MEI4: variants seen among roughly 807,000 people sequenced by gnomAD.
The protein encoded by MEI4 is meiosis-specific protein MEI4.
Under a neutral mutation model 31.4 loss-of-function variants are expected in MEI4, and 27 were observed. That is an observed-to-expected ratio of 0.86 (90% CI 0.63 to 1.19). The LOEUF (loss-of-function observed/expected upper bound fraction) is 1.19. Ranked by LOEUF, MEI4 falls within the 50% of genes most tolerant of loss-of-function variation. MEI4 has a pLI of 0.00. For synonymous variants in MEI4, 122 were observed against 145.4 expected (o/e 0.84, Z 1.16); for missense variants, 329 against 398.9 (o/e 0.82, Z 1.49).
At chr6:77,732,112 C>T (rs1257216771) in intron 2 of MEI4, among the ~76,000 whole-genome samples, 1 of 151,258 alleles carries the variant, frequency 6.6e-6, no homozygotes, top group African/African-American at 2.5e-5. Flanking sequence ...GCGATGCGGG[C>T]TCTTTTTTGG....
chr6:77,653,316 C>T (rs1170456583), intron 1 of MEI4, among the ~76,000 whole-genome samples: 1 of 152,170 alleles, frequency 6.6e-6, no homozygotes, highest in Non-Finnish European at 1.5e-5. Flanking sequence ...AATTGATGTT[C>T]AGCCACAGCC....
At chr6:77,658,198 G>A (rs561854617) in intron 1 of MEI4, among the ~76,000 whole-genome samples, 10 of 152,268 alleles carry the variant, frequency 6.6e-5, no homozygotes, top group African/African-American at 2.4e-4. Context: ...ATGTTTTGCG[G>A]GCAGGGGGTG....
chr6:77,731,719 A>C (rs1467535026), intron 2 of MEI4, among the ~76,000 whole-genome samples: 1 of 151,344 alleles, frequency 6.6e-6, no homozygotes, highest in Non-Finnish European at 1.5e-5. Context: ...TATGTCCTGA[A>C]TAGTAATGCT....
Position 77,916,893 on chromosome 6 carries a change from AT to A in MEI4, c.901-6195del, listed in dbSNP as rs1202640326. Among the ~76,000 whole-genome samples, 67 of 151,232 alleles carry A rather than the reference AT, an allele frequency of 4.4e-4. 1 individual carries two copies. Among genetic ancestry groups the A allele is most frequent in the Admixed American group, 2.0e-3 (30 of 15,138 alleles). On this transcript the variant is annotated intron_variant, in intron 4 of 4. Coordinates refer to ENST00000684080, the MANE Select transcript of MEI4 (RefSeq NM_001322247.2). ...ACTAACTCGTCATCTAGCATTAGGT[AT>A]ATCTCCCAATGCTATCCCTCCCCCC...
At chr6:77,713,425 T>C (rs1766510919) in intron 2 of MEI4, among the ~76,000 whole-genome samples, 1 of 37,256 alleles carries the variant, frequency 2.7e-5, no homozygotes, top group African/African-American at 5.1e-5. Flanking sequence ...TTCTGTCTTA[T>C]ATAAACAACT....
At chr6:77,686,875 CT>C (rs70974681) in intron 1 of MEI4, among the ~76,000 whole-genome samples, 3 of 132,540 alleles carry the variant, frequency 2.3e-5, no homozygotes, top group African/African-American at 5.1e-5. Context: ...GTCTGTGGCT[CT>C]TTTTTTTTGT....
intron 2 of MEI4, among the ~76,000 whole-genome samples, chr6:77,752,264 G>T (rs909481880): frequency 1.3e-5 from 2 of 152,128 alleles, no homozygotes; most frequent in African/African-American, 2.4e-5. Flanking sequence ...GGAAGTTCTG[G>T]CCAGGGCAAT....
In MEI4 at chr6:77,705,044, T is replaced by C. The variant is rs114242601; in HGVS notation, c.232+14141T>C. On this transcript the variant is annotated intron_variant, in intron 2 of 4. Transcript: ENST00000684080. The stretch of plus-strand genomic sequence containing the variant: ...ACAGCAACAACAACAATAAAAATAA[T>C]AGTGCTCCAATGACCCTAGCAACTA... Among the ~76,000 whole-genome samples, 898 of 152,168 alleles carry C rather than the reference T, an allele frequency of 5.9e-3. 12 individuals are homozygous for C. Among genetic ancestry groups the C allele is most frequent in the African/African-American group, 0.021 (863 of 41,536 alleles).
intron 4 of MEI4, among the ~76,000 whole-genome samples, chr6:77,901,753 T>C (rs1031635568): frequency 6.6e-6 from 1 of 152,134 alleles, no homozygotes; most frequent in African/African-American, 2.4e-5. Flanking sequence ...TTTTCTGGCC[T>C]GTACTTTGGG....
chr6:77,732,736 C>T (rs991969481), intron 2 of MEI4, among the ~76,000 whole-genome samples: 25 of 151,988 alleles, frequency 1.6e-4, no homozygotes, highest in Admixed American at 2.6e-4. Context: ...CCAGTTTTTG[C>T]CCATTCAGTA....
chr6:77,800,754 T>G (rs2127700230), intron 3 of MEI4, among the ~76,000 whole-genome samples: 1 of 152,336 alleles, frequency 6.6e-6, no homozygotes, highest in African/African-American at 2.4e-5. Context: ...GATAATCATG[T>G]GGTTTTTTTC....
intron 2 of MEI4, among the ~76,000 whole-genome samples, chr6:77,734,690 G>C (rs1310982200): frequency 6.6e-6 from 1 of 150,650 alleles, no homozygotes; most frequent in Admixed American, 6.6e-5. Flanking sequence ...ATGTTAGCTG[G>C]TTATTTTGCT....
rs1491363820 is a variant in MEI4, at chr6:77,910,924, GGT to G, written c.901-12164_901-12163del. 1.5e-4 allele frequency among the ~76,000 whole-genome samples: 9 copies of G among 61,910 alleles called. No homozygotes were observed. In the East Asian group the frequency reaches 4.1e-3, roughly 28 times the overall value. 40.6% of individuals were successfully genotyped at this position (61,910 alleles called of 152,430 possible). On this transcript the variant is annotated intron_variant, in intron 4 of 4. Transcript: ENST00000684080. The stretch of plus-strand genomic sequence containing the variant: ...TTTATCCACATTCTCACCAGCTTCT[GGT>G]TTTTTTTTTTTTTTTTGTCTTCTTA...
intron 3 of MEI4, among the ~76,000 whole-genome samples, chr6:77,765,931 C>G (rs147997805): frequency 1.2e-4 from 18 of 152,164 alleles, no homozygotes; most frequent in African/African-American, 4.3e-4. Flanking sequence ...ATCGCAAGGA[C>G]AAAAAACCAA....
rs142728449 is a variant in MEI4 at position 77,839,663 on chromosome 6, A to C, written c.900+10601A>C. The stretch of plus-strand genomic sequence containing the variant: ...AACTGACAGTGAAACTACCACTAAC[A>C]GAAGGTAGGGCAGAATTTGTACGCT... On this transcript the variant is annotated intron_variant, in intron 4 of 4. Coordinates refer to ENST00000684080, the MANE Select transcript of MEI4 (RefSeq NM_001322247.2). Among the ~76,000 whole-genome samples, 27 of 152,316 alleles carry C rather than the reference A, an allele frequency of 1.8e-4. No individual in the cohort carries two copies. In the East Asian group the frequency reaches 5.0e-3, roughly 28 times the overall value.
chr6:77,831,875 A>C (rs1250457463), intron 4 of MEI4, among the ~76,000 whole-genome samples: 1 of 152,048 alleles, frequency 6.6e-6, no homozygotes, highest in Non-Finnish European at 1.5e-5. Flanking sequence ...AAATTGTAGA[A>C]ATTATAACAT....
Position 77,744,545 on chromosome 6 carries a change from T to G in MEI4, c.233-16585T>G, listed in dbSNP as rs535629844. ...ATGGAACCAAGTTGGAAAACACTTTTCAGGATATTATCCAGGAGAACTTCC... is the reference window on the plus strand; with the variant it reads ...ATGGAACCAAGTTGGAAAACACTTTGCAGGATATTATCCAGGAGAACTTCC... On this transcript the variant is annotated intron_variant, in intron 2 of 4. Transcript: ENST00000684080. Among the ~76,000 whole-genome samples, 6 of 152,166 alleles carry G rather than the reference T, an allele frequency of 3.9e-5. No homozygotes were observed. The South Asian group carries it at 8.3e-4, about 21-fold the overall frequency.
At chr6:77,678,208 C>T (rs79838657) in intron 1 of MEI4, among the ~76,000 whole-genome samples, 4,695 of 152,230 alleles carry the variant, frequency 0.031, 95 homozygotes, top group Non-Finnish European at 0.045. Context: ...CTAGAAATTG[C>T]GTAATACAAA....
chr6:77,755,792 C>A (rs887696687), intron 2 of MEI4, among the ~76,000 whole-genome samples: 1 of 150,396 alleles, frequency 6.6e-6, no homozygotes, highest in Non-Finnish European at 1.5e-5. Flanking sequence ...TAATAAAAAA[C>A]ATGAAACAAT....
Sources: gnomAD v4.1 joint callset for allele counts (sites outside exome capture counted in the v4.1 genomes callset) on GRCh38, gnomAD v4.1.1 for gene constraint, MANE v1.5 for transcripts, NCBI Gene and HGNC (gene_info 2026-07-23, HGNC 2026-07-21) for gene names.